RYR3: variants seen among roughly 807,000 people sequenced by gnomAD.
RYR3 encodes ryanodine receptor 3.
In RYR3, 207 loss-of-function variants were observed where a neutral mutation model predicts 584.3. The observed-to-expected ratio is 0.35, with a 90% CI of 0.32 to 0.40. RYR3 has a LOEUF of 0.40. Among genes scored for constraint, RYR3 ranks in the 10% least tolerant of loss-of-function variants. The probability of loss-of-function intolerance (pLI) is 1.00; values close to 1 mark genes in which losing one functional copy is unlikely to be tolerated. For missense variants in RYR3, 5,616 were observed against 6,089.2 expected, an observed-to-expected ratio of 0.92 and a Z score of 2.59; for synonymous variants, 2,416 against 2,248.5, an observed-to-expected ratio of 1.07 and a Z score of -2.11.
intron 81 of RYR3, 83 bp downstream of exon 81, chr15:33,823,155 A>G: frequency 8.9e-7 from 1 of 1,117,594 alleles, no homozygotes; most frequent in Non-Finnish European, 1.3e-6. Context: ...CACAAAATAT[A>G]CTGGCCTACC....
At chr15:33,857,219 GGTAA>G (rs1391649713) in intron 98 of RYR3, among the ~76,000 whole-genome samples, 12 of 136,178 alleles carry the variant, frequency 8.8e-5, no homozygotes, top group Admixed American at 5.5e-4. Context: ...TTCTGGAGGC[GGTAA>G]GTAAGTCCAG....
chr15:33,629,707 A>G (rs1595891750), intron 21 of RYR3, among the ~76,000 whole-genome samples: 1 of 152,230 alleles, frequency 6.6e-6, no homozygotes, highest in Admixed American at 6.5e-5. Flanking sequence ...TATGTTCAAA[A>G]TGCAGATGCC....
chr15:33,787,986 C>T (rs558546713), intron 66 of RYR3, among the ~76,000 whole-genome samples: 1 of 152,266 alleles, frequency 6.6e-6, no homozygotes, highest in African/African-American at 2.4e-5. Context: ...CTCCTCATGG[C>T]CTGGAAGAGC....
In RYR3 at chr15:33,662,885, C is replaced by A. The variant is rs770898624; in HGVS notation, c.5355C>A (p.Ala1785=). ...EEKAVEAGEK[A]GKEAPVKGLL... Reference sequence around the variant, plus strand: ...AGGCTGTGGAGGCTGGGGAGAAGGCCGGCAAGGAGGCTCCTGTCAAAGGCT... The same window carrying A: ...AGGCTGTGGAGGCTGGGGAGAAGGCAGGCAAGGAGGCTCCTGTCAAAGGCT... The change falls in exon 35 of 104, where the codon GCC becomes GCA. Residue 1785 remains alanine, a synonymous_variant. Transcript: ENST00000634891. 3.0e-5 allele frequency: 49 copies of A among 1,613,334 alleles called. No individual in the cohort carries two copies. Among genetic ancestry groups the A allele is most frequent in the Middle Eastern group, 1.6e-4 (1 of 6,084 alleles).
intron 67 of RYR3, among the ~76,000 whole-genome samples, chr15:33,794,599 A>T (rs898341993): frequency 2.0e-5 from 3 of 152,100 alleles, no homozygotes; most frequent in Non-Finnish European, 4.4e-5. Context: ...AAGACAGAGT[A>T]TGTTGTACTT....
intron 1 of RYR3, among the ~76,000 whole-genome samples, chr15:33,415,982 C>T (rs1310763655): frequency 1.3e-5 from 2 of 152,034 alleles, no homozygotes; most frequent in Admixed American, 6.5e-5. Flanking sequence ...TGTTAATTCA[C>T]TTAGGATAAT....
intron 72 of RYR3, among the ~76,000 whole-genome samples, chr15:33,811,761 A>C (rs2076562642): frequency 6.6e-6 from 1 of 152,162 alleles, no homozygotes; most frequent in Non-Finnish European, 1.5e-5. Flanking sequence ...ACCTGGGGGA[A>C]GTTTTAGCAC....
intron 2 of RYR3, among the ~76,000 whole-genome samples, chr15:33,486,546 G>T (rs1187276830): frequency 6.6e-6 from 1 of 152,050 alleles, no homozygotes; most frequent in Non-Finnish European, 1.5e-5. Flanking sequence ...ATCTTTTGCG[G>T]GGACACAAAA....
intron 1 of RYR3, among the ~76,000 whole-genome samples, chr15:33,352,557 T>C (rs1030244981): frequency 9.9e-5 from 15 of 152,196 alleles, no homozygotes; most frequent in Non-Finnish European, 2.1e-4. Context: ...CACAAAATCC[T>C]AGGAGACTTG....
intron 7 of RYR3, 31 bp downstream of exon 7, chr15:33,540,921 G>A (rs565901396): frequency 7.2e-7 from 1 of 1,383,468 alleles, no homozygotes; most frequent in South Asian, 1.2e-5. Context: ...TTAGCCCTGA[G>A]CCTGCCTATC....
At chr15:33,864,443 A>AGACAATATGAAATAAGAAATTGTCT (rs1287573925) in intron 103 of RYR3, among the ~76,000 whole-genome samples, 4 of 152,178 alleles carry the variant, frequency 2.6e-5, no homozygotes, top group African/African-American at 9.7e-5. Context: ...AACATTACAG[A>AGACAATATGAAATAAGAAATTGTCT]GACAATATGA....
At chr15:33,384,709 A>G (rs889565107) in intron 1 of RYR3, among the ~76,000 whole-genome samples, 1 of 151,174 alleles carries the variant, frequency 6.6e-6, no homozygotes, top group Non-Finnish European at 1.5e-5. Flanking sequence ...TCTAAACTCT[A>G]CTCTCTTAGC....
chr15:33,601,964 G>A (rs900531343), intron 17 of RYR3, among the ~76,000 whole-genome samples: 6 of 152,124 alleles, frequency 3.9e-5, no homozygotes, highest in African/African-American at 1.4e-4. Flanking sequence ...TGCATCCTCT[G>A]GCTCATGGCC....
At chr15:33,829,028 T>A (rs867826807) in intron 85 of RYR3, among the ~76,000 whole-genome samples, 1 of 152,190 alleles carries the variant, frequency 6.6e-6, no homozygotes, top group Non-Finnish European at 1.5e-5. Context: ...TCGTTTACCA[T>A]TCCAAAAATC....
rs765954858 is a variant in RYR3, at chr15:33,647,448, T to C, written c.3966T>C (p.Ser1322=). 22 of 1,606,470 alleles carry C rather than the reference T, an allele frequency of 1.4e-5. No homozygotes were observed. The highest frequency in any genetic ancestry group is 6.7e-5 in the Admixed American group (4 of 59,930). ...QKRKQMQEIL[S]HTTTQCYYAI... is the part of the protein sequence containing the mutation. ...GGAAACAGATGCAAGAAATACTCTC[T>C]CATACAACAACAGTAAGTAAATGTG... Residue 1322 remains serine (S), a synonymous_variant, in exon 30 of 104, where the codon TCT becomes TCC. Coordinates refer to ENST00000634891, the MANE Select transcript of RYR3 (RefSeq NM_001036.6).
At chr15:33,822,749 C>G (rs930434865) in intron 80 of RYR3, among the ~76,000 whole-genome samples, 9 of 152,252 alleles carry the variant, frequency 5.9e-5, no homozygotes, top group African/African-American at 2.2e-4. Flanking sequence ...ATTACTATAT[C>G]ACGGCCTTGG....
Position 33,743,542 on chromosome 15 carries a change from C to T in RYR3, c.7899+1098C>T, listed in dbSNP as rs1456907541. On this transcript the variant is annotated intron_variant, in intron 52 of 103. Coordinates refer to ENST00000634891, the MANE Select transcript of RYR3 (RefSeq NM_001036.6). ...GGCTTAGGGGGCATAGCCAGGTGGC[C>T]CTTGCTCTAGAGCATCTGCGTTTTC... 2.0e-5 allele frequency among the ~76,000 whole-genome samples: 3 copies of T among 152,200 alleles called. No homozygotes were observed. In the East Asian group the frequency reaches 5.8e-4, roughly 29 times the overall value.
chr15:33,686,187 T>G (rs755177536), intron 38 of RYR3, among the ~76,000 whole-genome samples: 9 of 151,632 alleles, frequency 5.9e-5, no homozygotes, highest in Non-Finnish European at 1.2e-4. Flanking sequence ...CTAGCAAGAT[T>G]AATAAGAAAA....
At chr15:33,644,045 C>T (rs868082927) in intron 27 of RYR3, among the ~76,000 whole-genome samples, 2 of 152,098 alleles carry the variant, frequency 1.3e-5, no homozygotes, top group Non-Finnish European at 2.9e-5. Flanking sequence ...TTATATCTTA[C>T]GAATATTCTT....
Sources: allele counts gnomAD v4.1 joint callset (sites outside exome capture counted in the v4.1 genomes callset), GRCh38; gene constraint gnomAD v4.1.1; transcripts MANE v1.5; gene names NCBI Gene and HGNC (gene_info 2026-07-23, HGNC 2026-07-21).